The following PINK1 variants were observed in gnomAD, a reference collection of about 807,000 sequenced individuals.
The protein encoded by PINK1 is PTEN induced kinase 1, also known as serine/threonine-protein kinase PINK1, mitochondrial.
Under a neutral mutation model 56.0 loss-of-function variants are expected in PINK1, and 58 were observed. That is an observed-to-expected ratio of 1.04 (90% CI 0.84 to 1.29). PINK1 has a LOEUF of 1.29. Ranked by LOEUF, PINK1 falls within the 50% of genes most tolerant of loss-of-function variation. PINK1 has a pLI of 0.00. For missense variants in PINK1, 745 were observed against 777.9 expected (o/e 0.96, Z 0.50); for synonymous variants, 354 against 339.3 (o/e 1.04, Z -0.48).
Position 20,637,932 on chromosome 1 carries a change from C to T in PINK1, c.478C>T (p.Gln160Ter). Residue 160 changes from glutamine (Q) to a stop codon, truncating the protein, a stop_gained, in exon 2 of 8, where the codon CAG becomes TAG. Transcript: ENST00000321556. LOFTEE classifies it high-confidence loss of function. ...GFRLEEYLIGQSIGKGCSAAV... is the reference protein window; with the variant it reads ...GFRLEEYLIG ...TCGGCTGGAGGAGTATCTGATAGGG[C>T]AGTCCATTGGTAAGGGCTGCAGTGC... The T allele has an allele frequency of 1.9e-6, 3 of 1,614,192 alleles. No individual in the cohort carries two copies. The highest frequency in any genetic ancestry group is 2.5e-6 in the Non-Finnish European group (3 of 1,180,038).
At chr1:20,646,593 G>A (rs570112817) in intron 5 of PINK1, among the ~76,000 whole-genome samples, 24 of 152,058 alleles carry the variant, frequency 1.6e-4, no homozygotes, top group African/African-American at 5.3e-4. Flanking sequence ...GTAGTGAGCC[G>A]AGATTGTGCC....
chr1:20,648,043 G>A (rs544698851), intron 5 of PINK1, among the ~76,000 whole-genome samples: 37 of 151,850 alleles, frequency 2.4e-4, no homozygotes, highest in African/African-American at 8.7e-4. Flanking sequence ...TTGAACTCCT[G>A]ACCTCAGGTG....
intron 3 of PINK1, among the ~76,000 whole-genome samples, chr1:20,640,864 C>A (rs1385026189): frequency 1.3e-5 from 2 of 152,208 alleles, no homozygotes; most frequent in East Asian, 3.9e-4. Flanking sequence ...ATGGTGAAAC[C>A]CCGCCTTTAC....
At chr1:20,644,931 CT>C (rs1198115013) in intron 4 of PINK1, among the ~76,000 whole-genome samples, 3 of 152,226 alleles carry the variant, frequency 2.0e-5, no homozygotes, top group Admixed American at 6.5e-5. Flanking sequence ...GACTGTTAAC[CT>C]TTTCTGTGGC....
rs1553146529 is a variant in PINK1, at chr1:20,645,504, A to AAG, written c.960-56_960-55insAG. 4.0e-6 allele frequency: 6 copies of AAG among 1,517,128 alleles called. No individual in the cohort carries two copies. The African/African-American group carries it at 6.9e-5, about 18-fold the overall frequency. 94.0% of individuals were successfully genotyped at this position (1,517,128 alleles called of 1,614,324 possible). On this transcript the variant is annotated intron_variant, in intron 4 of 7. Coordinates refer to ENST00000321556, the MANE Select transcript of PINK1 (RefSeq NM_032409.3). ...CTCCATCTCAAAAAAAAAAAAAAAA[A>AAG]CGTATTGGGAGTCGTCGATGTGTGG...
chr1:20,633,793 A>C lies in PINK1; in HGVS notation c.245A>C (p.Gln82Pro), dbSNP rs769626575. ...QSVAGLAARLQRQFVVRAWGC... is the reference protein window; with the variant it reads ...QSVAGLAARLPRQFVVRAWGC... ...GTGGCCGGGCTGGCGGCGCGGTTGC[A>C]GCGGCAGTTCGTGGTGCGGGCCTGG... Residue 82 changes from glutamine (Q) to proline (P), a missense_variant, in exon 1 of 8, where the codon CAG becomes CCG. Gln to Pro is a moderately conservative substitution (Grantham distance 76, BLOSUM62 -1). Coordinates refer to ENST00000321556, the MANE Select transcript of PINK1 (RefSeq NM_032409.3). The C allele has an allele frequency of 3.8e-6, 6 of 1,574,430 alleles. No individual in the cohort carries two copies. The highest frequency in any genetic ancestry group is 1.8e-4 in the Middle Eastern group (1 of 5,674).
At chr1:20,637,259 G>A (rs756813071) in intron 1 of PINK1, among the ~76,000 whole-genome samples, 4 of 152,198 alleles carry the variant, frequency 2.6e-5, no homozygotes, top group African/African-American at 9.6e-5. Flanking sequence ...GTGCAGCACT[G>A]CCCCCAGCAC....
chr1:20,648,859 G>A, intron 6 of PINK1, 136 bp from the exon 7 acceptor site: 1 of 1,257,290 alleles, frequency 8.0e-7, no homozygotes, highest in South Asian at 1.3e-5. Context: ...CCCCTTCTGG[G>A]TCTGAGCCAC....
In PINK1 at chr1:20,633,528, G is replaced by C. The variant is rs950369685; in HGVS notation, c.-21G>C. 4.4e-6 allele frequency: 5 copies of C among 1,142,590 alleles called. No homozygotes were observed. The highest frequency in any genetic ancestry group is 4.3e-6 in the Non-Finnish European group (4 of 931,508). 70.8% of individuals were successfully genotyped at this position (1,142,590 alleles called of 1,614,324 possible). A position where few individuals can be genotyped will look rare whatever the true frequency, so the allele number is the denominator to read the frequency against. On this transcript the variant is annotated 5_prime_UTR_variant, in exon 1 of 8. Coordinates refer to ENST00000321556, the MANE Select transcript of PINK1 (RefSeq NM_032409.3). ...GGTGGCGGCAGCGGCGGCTGCGGGG[G>C]CACCGGGCCGCGGCGCCACCATGGC...
chr1:20,647,760 C>T (rs2053204031), intron 5 of PINK1, among the ~76,000 whole-genome samples: 1 of 152,018 alleles, frequency 6.6e-6, no homozygotes. Flanking sequence ...TGAGCCACTG[C>T]GCCCAGCCAG....
intron 4 of PINK1, 139 bp from the exon 5 acceptor site, chr1:20,645,421 G>A: frequency 2.1e-6 from 2 of 970,646 alleles, no homozygotes; most frequent in Admixed American, 2.1e-5. Context: ...CCTGGAAGGT[G>A]GAGGTTGCAG....
In PINK1 at chr1:20,633,792, C is replaced by T; in HGVS notation, c.244C>T (p.Gln82Ter). The T allele has an allele frequency of 1.3e-6, 2 of 1,573,952 alleles. No individual in the cohort carries two copies. Among genetic ancestry groups the T allele is most frequent in the South Asian group, 1.2e-5 (1 of 86,842 alleles). Residue 82 changes from glutamine to a stop codon, truncating the protein, a stop_gained, in exon 1 of 8, where the codon CAG (glutamine) becomes TAG (stop). Transcript: ENST00000321556. LOFTEE classifies it high-confidence loss of function. ...QSVAGLAARL[Q>*]RQFVVRAWGC... ...GGTGGCCGGGCTGGCGGCGCGGTTGCAGCGGCAGTTCGTGGTGCGGGCCTG... is the reference window on the plus strand; with the variant it reads ...GGTGGCCGGGCTGGCGGCGCGGTTGTAGCGGCAGTTCGTGGTGCGGGCCTG...
intron 5 of PINK1, among the ~76,000 whole-genome samples, chr1:20,646,578 A>G (rs919906327): frequency 6.6e-6 from 1 of 152,066 alleles, no homozygotes; most frequent in African/African-American, 2.4e-5. Context: ...CGGGAGGCGG[A>G]GGTTGTAGTG....
At position 20,637,839 on chromosome 1, in the gene PINK1, C is replaced by T. The variant is rs371971165; in HGVS notation, c.388-3C>T. ...CTCACGGTGCATTCTTTTCTCATCA[C>T]AGGCAATTTTTACCCAGAAAAGCAA... On this transcript the variant is annotated splice_polypyrimidine_tract_variant and splice_region_variant and intron_variant, in intron 1 of 7. Transcript: ENST00000321556. 13 of 1,613,934 alleles carry T rather than the reference C, an allele frequency of 8.1e-6. No homozygotes were observed. In the East Asian group the frequency reaches 2.2e-4, roughly 28 times the overall value.
At position 20,633,458 on chromosome 1, in the gene PINK1, A is replaced by C. The variant is rs910927669; in HGVS notation, c.-91A>C. ...CGCCCACCAGCGCCTGCGCCTGCGC[A>C]GAGGCACCGCCCCAAGTTTGTTGTG... On this transcript the variant is annotated 5_prime_UTR_variant, in exon 1 of 8. Transcript: ENST00000321556. 3 of 1,025,548 alleles carry C rather than the reference A, an allele frequency of 2.9e-6. No individual in the cohort carries two copies. The highest frequency in any genetic ancestry group is 3.5e-6 in the Non-Finnish European group (3 of 847,272). The allele number at this position is 1,025,548 out of a possible 1,614,324, so 63.5% of individuals were successfully genotyped here.
At chr1:20,634,007 GGGC>G in intron 1 of PINK1, 72 bp downstream of exon 1, 3 of 1,500,412 alleles carry the variant, frequency 2.0e-6, no homozygotes, top group Admixed American at 3.9e-5. Flanking sequence ...AGCTGGGTGG[GGGC>G]GGGGCTAGGT....
chr1:20,638,067 C>T lies in PINK1; in HGVS notation c.613C>T (p.Gln205Ter), dbSNP rs898072513. The T allele has an allele frequency of 6.2e-7, 1 of 1,614,134 alleles. No individual in the cohort carries two copies. Among genetic ancestry groups the T allele is most frequent in the South Asian group, 1.1e-5 (1 of 91,072 alleles). The change falls in exon 2 of 8, where the codon CAG (glutamine) becomes TAG (stop). Residue 205 changes from glutamine to a stop codon, truncating the protein, a stop_gained. Coordinates refer to ENST00000321556, the MANE Select transcript of PINK1 (RefSeq NM_032409.3). LOFTEE classifies it high-confidence loss of function. The part of the protein sequence containing the change: ...GPGTSAPGEG[Q>*]ERAPGAPAFP... ...AGGTACCAGTGCACCAGGAGAAGGG[C>T]AGGAGCGAGCTCCGGGGGCCCCTGC... is the stretch of plus-strand genomic sequence containing the variant.
rs1419483670 is a variant in PINK1, at chr1:20,645,412, CT to C, written c.960-147del. Reference sequence around the variant, plus strand: ...GCTGAGGTAGGAGAATTGCTTGAACCTGGAAGGTGGAGGTTGCAGTGAGCCA... The same window carrying C: ...GCTGAGGTAGGAGAATTGCTTGAACCGGAAGGTGGAGGTTGCAGTGAGCCA... On this transcript the variant is annotated intron_variant, in intron 4 of 7. Coordinates refer to ENST00000321556, the MANE Select transcript of PINK1 (RefSeq NM_032409.3). 5.7e-5 allele frequency: 52 copies of C among 911,078 alleles called. No individual in the cohort carries two copies. The East Asian group carries it at 1.3e-3, about 22-fold the overall frequency. The allele number at this position is 911,078 out of a possible 1,614,324, so 56.4% of individuals were successfully genotyped here.
intron 3 of PINK1, among the ~76,000 whole-genome samples, chr1:20,642,229 G>T (rs1011131862): frequency 3.9e-5 from 6 of 152,186 alleles, no homozygotes; most frequent in Admixed American, 3.3e-4. Flanking sequence ...AGCAAAGGGG[G>T]CTCTAGCCTG....
Sources: gnomAD v4.1 joint callset for allele counts (sites outside exome capture counted in the v4.1 genomes callset) on GRCh38, gnomAD v4.1.1 for gene constraint, MANE v1.5 for transcripts, NCBI Gene and HGNC (gene_info 2026-07-23, HGNC 2026-07-21) for gene names.